The following FAR2 variants were observed in gnomAD, a reference collection of about 807,000 sequenced individuals.
FAR2 encodes the protein fatty acyl-CoA reductase 2.
Under a neutral mutation model 56.0 loss-of-function variants are expected in FAR2, and 19 were observed. The ratio of observed to expected loss-of-function variants is 0.34; its 90% CI spans 0.24 to 0.50. The LOEUF is 0.50. Ranked by LOEUF, FAR2 falls within the 20% of genes least tolerant of loss-of-function variation. The probability of loss-of-function intolerance (pLI) is 0.98; values close to 1 mark genes in which losing one functional copy is unlikely to be tolerated. For synonymous variants in FAR2, 219 were observed against 218.8 expected, an observed-to-expected ratio of 1.00 and a Z score of -0.01; for missense variants, 508 against 642.2, an observed-to-expected ratio of 0.79 and a Z score of 2.26.
intron 1 of FAR2, among the ~76,000 whole-genome samples, chr12:29,258,897 GAA>G (rs1411911022): frequency 1.3e-5 from 2 of 152,188 alleles, no homozygotes; most frequent in Admixed American, 1.3e-4. Context: ...TGGTGAAAAT[GAA>G]AAGTGGGAAG....
intron 4 of FAR2, among the ~76,000 whole-genome samples, chr12:29,305,376 G>A (rs1402220102): frequency 8.6e-5 from 13 of 151,980 alleles, no homozygotes; most frequent in East Asian, 1.9e-4. Flanking sequence ...GGACTCAAAC[G>A]ATCCTCCTTC....
chr12:29,247,791 G>A (rs1167325058), intron 1 of FAR2, among the ~76,000 whole-genome samples: 5 of 152,114 alleles, frequency 3.3e-5, no homozygotes, highest in South Asian at 2.1e-4. Context: ...AGAAATGACC[G>A]TATCTTGTGA....
chr12:29,258,599 A>G (rs901577685), intron 1 of FAR2, among the ~76,000 whole-genome samples: 1 of 151,944 alleles, frequency 6.6e-6, no homozygotes, highest in African/African-American at 2.4e-5. Flanking sequence ...GCCAGCCAAA[A>G]CTCCATTTTT....
chr12:29,210,260 G>A (rs1565472271), intron 1 of FAR2, among the ~76,000 whole-genome samples: 3 of 151,968 alleles, frequency 2.0e-5, no homozygotes, highest in African/African-American at 7.3e-5. Flanking sequence ...TTCTGTTTTA[G>A]AAAAAAAGCA....
chr12:29,317,079 G>C, intron 9 of FAR2, 67 bp downstream of exon 9: 1 of 1,488,722 alleles, frequency 6.7e-7, no homozygotes, highest in Non-Finnish European at 9.0e-7. Context: ...AAAATCTTTA[G>C]TGCTTCCTTC....
At position 29,307,843 on chromosome 12, in the gene FAR2, C is replaced by G; in HGVS notation, c.723+8C>G. 6.2e-7 allele frequency: 1 copy of G among 1,605,718 alleles called. No individual in the cohort carries two copies. Among genetic ancestry groups the G allele is most frequent in the Non-Finnish European group, 8.5e-7 (1 of 1,177,820 alleles). ...TGGCAGGAGCCTTTCCCAGTAAGCC[C>G]ACTTACCTGGATTCTGTGTTTTGCT... On this transcript the variant is annotated splice_region_variant and intron_variant, in intron 5 of 11. Coordinates refer to ENST00000536681, the MANE Select transcript of FAR2 (RefSeq NM_001271783.2).
At chr12:29,258,098 C>G (rs1208355959) in intron 1 of FAR2, among the ~76,000 whole-genome samples, 1 of 151,780 alleles carries the variant, frequency 6.6e-6, no homozygotes, top group Admixed American at 6.6e-5. Context: ...AATTCCAGCA[C>G]TTTGGGAGGC....
chr12:29,161,757 A>G (rs1478844466), intron 1 of FAR2, among the ~76,000 whole-genome samples: 1 of 152,236 alleles, frequency 6.6e-6, no homozygotes, highest in Admixed American at 6.5e-5. Context: ...GTAGTCAAGA[A>G]TTTCCCTTGT....
At chr12:29,152,648 T>G (rs1466120134) in intron 1 of FAR2, among the ~76,000 whole-genome samples, 4 of 152,228 alleles carry the variant, frequency 2.6e-5, no homozygotes, top group African/African-American at 9.7e-5. Context: ...CAGTGTACTT[T>G]AGGATACAAA....
At chr12:29,281,587 G>A (rs1948783943) in intron 2 of FAR2, 2 of 152,152 alleles carry the variant, frequency 1.3e-5, no homozygotes, top group Admixed American at 1.3e-4. Context: ...TAGGTTTAAG[G>A]TCTGTCATTT....
At chr12:29,204,019 A>AG (rs1555108283) in intron 1 of FAR2, among the ~76,000 whole-genome samples, 222 of 122,396 alleles carry the variant, frequency 1.8e-3, no homozygotes, top group Middle Eastern at 5.1e-3. Flanking sequence ...AAAAAAAAAA[A>AG]AAAAGAAAAT....
intron 4 of FAR2, among the ~76,000 whole-genome samples, chr12:29,299,213 C>CAAAA (rs71042981): frequency 6.0e-4 from 62 of 103,288 alleles, no homozygotes; most frequent in Middle Eastern, 5.9e-3. Context: ...AACTTTGTCT[C>CAAAA]AAAAAAAAAA....
At chr12:29,254,163 GGGA>G (rs1243965450) in intron 1 of FAR2, among the ~76,000 whole-genome samples, 1 of 152,036 alleles carries the variant, frequency 6.6e-6, no homozygotes, top group Non-Finnish European at 1.5e-5. Flanking sequence ...CAATTCCCCT[GGGA>G]GTTAATATTC....
rs11462609 is a variant in FAR2 at position 29,177,834 on chromosome 12, CA to C, written c.-39+28435del. The stretch of plus-strand genomic sequence containing the variant: ...TTAAATAGCTATTGTAGTATAAGCA[CA>C]AAAAAAACAAACAAAAAACATACAA... On this transcript the variant is annotated intron_variant, in intron 1 of 11. Coordinates refer to ENST00000536681, the MANE Select transcript of FAR2 (RefSeq NM_001271783.2). Among the ~76,000 whole-genome samples the C allele has an allele frequency of 8.4e-4, 128 of 151,660 alleles. 1 individual carries two copies. Among genetic ancestry groups the C allele is most frequent in the African/African-American group, 2.9e-3 (121 of 41,270 alleles).
At chr12:29,220,279 CA>C (rs1252631394) in intron 1 of FAR2, among the ~76,000 whole-genome samples, 5 of 152,158 alleles carry the variant, frequency 3.3e-5, no homozygotes, top group Admixed American at 3.3e-4. Context: ...GAGCATCACC[CA>C]CTCAAAGCTC....
intron 1 of FAR2, among the ~76,000 whole-genome samples, chr12:29,264,173 C>G (rs551140097): frequency 2.0e-5 from 3 of 152,054 alleles, no homozygotes; most frequent in Non-Finnish European, 4.4e-5. Flanking sequence ...TCAACATGTG[C>G]AAATCAGTCA....
At chr12:29,150,610 A>G (rs1591818664) in intron 1 of FAR2, among the ~76,000 whole-genome samples, 4 of 152,146 alleles carry the variant, frequency 2.6e-5, no homozygotes. Context: ...CTAAATAAAA[A>G]CTTAAGGCAG....
intron 10 of FAR2, among the ~76,000 whole-genome samples, chr12:29,330,218 G>A (rs982795679): frequency 2.0e-5 from 3 of 152,030 alleles, no homozygotes; most frequent in African/African-American, 7.2e-5. Context: ...CACGACGCCT[G>A]GCTAATTTTT....
intron 1 of FAR2, among the ~76,000 whole-genome samples, chr12:29,159,642 G>C (rs1263356634): frequency 6.6e-6 from 1 of 152,126 alleles, no homozygotes; most frequent in Non-Finnish European, 1.5e-5. Flanking sequence ...CCACCGCAAG[G>C]CTTGGGGGTT....
Sources: allele counts gnomAD v4.1 joint callset (sites outside exome capture counted in the v4.1 genomes callset), GRCh38; gene constraint gnomAD v4.1.1; transcripts MANE v1.5; gene names NCBI Gene and HGNC (gene_info 2026-07-23, HGNC 2026-07-21).